The following THRB variants were observed in gnomAD, a reference collection of about 807,000 sequenced individuals.
THRB encodes nuclear receptor subfamily 1 group A member 2.
Under a neutral mutation model 47.8 loss-of-function variants are expected in THRB, and 12 were observed. That is an observed-to-expected ratio of 0.25 (90% confidence interval 0.16 to 0.41). The LOEUF is 0.41. Ranked by LOEUF, THRB falls within the 10% of genes least tolerant of loss-of-function variation. The pLI is 1.00. For synonymous variants in THRB, 218 were observed against 212.2 expected, an observed-to-expected ratio of 1.03 and a Z score of -0.24; for missense variants, 348 against 589.2, an observed-to-expected ratio of 0.59 and a Z score of 4.24.
intron 3 of THRB, among the ~76,000 whole-genome samples, chr3:24,253,372 A>C (rs2050861728): frequency 6.6e-6 from 1 of 152,196 alleles, no homozygotes; most frequent in African/African-American, 2.4e-5. Context: ...TGCCCCAGAC[A>C]ATGGAGATAC....
intron 1 of THRB, among the ~76,000 whole-genome samples, chr3:24,465,785 A>AT (rs35989424): frequency 1.2e-3 from 184 of 152,036 alleles, no homozygotes; most frequent in African/African-American, 4.3e-3. Context: ...AGTTCAAGAG[A>AT]TTTTTTTCCC....
chr3:24,124,053 C>G (rs138778439), intron 10 of THRB, among the ~76,000 whole-genome samples: 233 of 152,290 alleles, frequency 1.5e-3, no homozygotes, highest in Non-Finnish European at 2.8e-3. Context: ...GCCCAACGTG[C>G]CCCTGCTAAG....
intron 1 of THRB, among the ~76,000 whole-genome samples, chr3:24,372,258 T>C (rs903351147): frequency 2.6e-5 from 4 of 152,224 alleles, no homozygotes; most frequent in Non-Finnish European, 5.9e-5. Context: ...ATAGTAATTC[T>C]ACCACAGCTA....
chr3:24,380,507 C>A (rs927929389), intron 1 of THRB, among the ~76,000 whole-genome samples: 1 of 152,068 alleles, frequency 6.6e-6, no homozygotes, highest in African/African-American at 2.4e-5. Context: ...GAATTCCTAT[C>A]CCTTTCAAGT....
chr3:24,386,031 C>T (rs1316460426), intron 1 of THRB, among the ~76,000 whole-genome samples: 3 of 152,108 alleles, frequency 2.0e-5, no homozygotes, highest in Non-Finnish European at 2.9e-5. Context: ...ACTTGTCAGC[C>T]TACATAGTGT....
At chr3:24,453,766 T>C (rs2072903646) in intron 1 of THRB, among the ~76,000 whole-genome samples, 2 of 152,210 alleles carry the variant, frequency 1.3e-5, no homozygotes, top group Non-Finnish European at 2.9e-5. Context: ...CTTTGTCTCC[T>C]ACCCTTCTCT....
intron 2 of THRB, among the ~76,000 whole-genome samples, chr3:24,313,746 T>G (rs548646249): frequency 6.6e-6 from 1 of 152,290 alleles, no homozygotes; most frequent in East Asian, 1.9e-4. Flanking sequence ...TCAAGTACAT[T>G]TCCTTTTCTA....
chr3:24,158,839 T>C (rs1247222414), intron 5 of THRB, among the ~76,000 whole-genome samples: 2 of 116,428 alleles, frequency 1.7e-5, no homozygotes, highest in East Asian at 4.4e-4. Context: ...AAGACAGCTC[T>C]TCCTCTCTCT....
At chr3:24,194,256 CA>C (rs371801748) in intron 4 of THRB, among the ~76,000 whole-genome samples, 83 of 152,154 alleles carry the variant, frequency 5.5e-4, no homozygotes, top group African/African-American at 1.7e-3. Context: ...ACATGTTCCC[CA>C]AAAACCTATT....
intron 4 of THRB, among the ~76,000 whole-genome samples, chr3:24,225,137 C>T (rs2047526728): frequency 6.6e-6 from 1 of 152,152 alleles, no homozygotes; most frequent in Non-Finnish European, 1.5e-5. Context: ...AATGCTCAAC[C>T]TCAGTTGTCA....
intron 1 of THRB, among the ~76,000 whole-genome samples, chr3:24,476,076 A>G (rs564099014): frequency 1.3e-5 from 2 of 152,344 alleles, no homozygotes; most frequent in African/African-American, 4.8e-5. Flanking sequence ...GCACTTTCAG[A>G]GACAACTCAT....
chr3:24,256,015 C>T (rs1286001703), intron 3 of THRB, among the ~76,000 whole-genome samples: 1 of 152,124 alleles, frequency 6.6e-6, no homozygotes, highest in African/African-American at 2.4e-5. Context: ...GGAGCACCCA[C>T]TATTTAAAGA....
intron 3 of THRB, among the ~76,000 whole-genome samples, chr3:24,255,911 G>A (rs1289211598): frequency 6.6e-6 from 1 of 152,214 alleles, no homozygotes; most frequent in Non-Finnish European, 1.5e-5. Context: ...TGTTGAGGGG[G>A]TGAGGGGAAG....
chr3:24,374,031 T>C (rs192338465), intron 1 of THRB, among the ~76,000 whole-genome samples: 6 of 152,244 alleles, frequency 3.9e-5, no homozygotes, highest in Non-Finnish European at 8.8e-5. Flanking sequence ...TTCTGGGGGC[T>C]GCCCAATTCA....
intron 1 of THRB, among the ~76,000 whole-genome samples, chr3:24,360,236 C>T (rs1437175820): frequency 3.3e-5 from 5 of 152,094 alleles, no homozygotes; most frequent in Non-Finnish European, 5.9e-5. Context: ...AATTGTTATG[C>T]TGATTTTTAA....
At chr3:24,269,442 C>CACACACACACACATATACAT (rs58200122) in intron 3 of THRB, among the ~76,000 whole-genome samples, 1 of 141,042 alleles carries the variant, frequency 7.1e-6, no homozygotes, top group African/African-American at 2.7e-5. Context: ...CACACACACA[C>CACACACACACACATATACAT]TTAAGTTATC....
intron 10 of THRB, among the ~76,000 whole-genome samples, chr3:24,125,600 T>C (rs1001899384): frequency 6.6e-6 from 1 of 152,086 alleles, no homozygotes; most frequent in Non-Finnish European, 1.5e-5. Context: ...AGCTATAAAT[T>C]TTATTTCTTT....
chr3:24,436,181 A>G (rs916130972), intron 1 of THRB, among the ~76,000 whole-genome samples: 1 of 152,090 alleles, frequency 6.6e-6, no homozygotes, highest in Non-Finnish European at 1.5e-5. Context: ...TTCTCATGGT[A>G]GGGAATACCT....
intron 1 of THRB, among the ~76,000 whole-genome samples, chr3:24,388,426 T>C (rs985415412): frequency 2.6e-5 from 4 of 152,112 alleles, no homozygotes; most frequent in African/African-American, 7.2e-5. Context: ...GCGCCTAACC[T>C]GTAACAGCCT....
Sources: gnomAD v4.1 joint callset for allele counts (sites outside exome capture counted in the v4.1 genomes callset) on GRCh38, gnomAD v4.1.1 for gene constraint, MANE v1.5 for transcripts, NCBI Gene and HGNC (gene_info 2026-07-23, HGNC 2026-07-21) for gene names.